The following PTGES3 variants were observed in gnomAD, a reference collection of about 807,000 sequenced individuals.
PTGES3 encodes Hsp90 co-chaperone.
PTGES3 carries 5 observed loss-of-function variants against 29.9 expected under a neutral mutation model. That is an observed-to-expected ratio of 0.17 (90% CI 0.09 to 0.35). The LOEUF (loss-of-function observed/expected upper bound fraction) is 0.35. PTGES3 is among the 10% of genes least tolerant of loss of function. PTGES3 has a pLI of 1.00. For synonymous variants in PTGES3, 49 were observed against 57.8 expected (o/e 0.85, Z 0.69); for missense variants, 128 against 190.0 (o/e 0.67, Z 1.92).
intron 1 of PTGES3, among the ~76,000 whole-genome samples, chr12:56,674,609 A>G (rs534023623): frequency 5.7e-4 from 86 of 151,542 alleles, no homozygotes; most frequent in Admixed American, 1.6e-3. Flanking sequence ...GGAGGATCAC[A>G]ATGTCAGGAG....
At chr12:56,674,998 C>T (rs1238157939) in intron 1 of PTGES3, among the ~76,000 whole-genome samples, 4 of 48,358 alleles carry the variant, frequency 8.3e-5, no homozygotes, top group Non-Finnish European at 1.5e-4. Context: ...GAGTGAAACT[C>T]GGTCTCAAAA....
intron 1 of PTGES3, chr12:56,687,617 C>G (rs978781054): frequency 3.6e-5 from 40 of 1,118,254 alleles, no homozygotes; most frequent in Non-Finnish European, 4.2e-5. Context: ...GCAACAGAAC[C>G]GGAGCGCCCA....
At position 56,688,213 on chromosome 12, in the gene PTGES3, A is replaced by G. The variant is rs1339985851; in HGVS notation, c.-214T>C. ...AGAGCGGCTCCTCCGGTCGGGGAGA[A>G]GAGGAAAGTGTAGGAAAAGGGGCGC... On this transcript the variant is annotated 5_prime_UTR_variant, in exon 1 of 8. Coordinates refer to ENST00000262033, the MANE Select transcript of PTGES3 (RefSeq NM_006601.7). The G allele has an allele frequency of 1.2e-6, 1 of 857,444 alleles. No homozygotes were observed. The highest frequency in any genetic ancestry group is 1.8e-5 in the African/African-American group (1 of 55,606). 53.1% of individuals were successfully genotyped at this position (857,444 alleles called of 1,614,324 possible).
Position 56,668,589 on chromosome 12 carries a change from C to T in PTGES3, c.375+1686G>A, listed in dbSNP as rs143498756. ...TGCACAGCTAGGTAAATGGTGGCAC[C>T]GATTTCTACAGGTAAGGAAAGTACA... On this transcript the variant is annotated intron_variant, in intron 5 of 7. Transcript: ENST00000262033. Among the ~76,000 whole-genome samples the T allele has an allele frequency of 3.3e-3, 509 of 152,136 alleles. 1 individual carries two copies. The highest frequency in any genetic ancestry group is 0.012 in the African/African-American group (481 of 41,522).
At chr12:56,681,996 G>A (rs374041742) in intron 1 of PTGES3, among the ~76,000 whole-genome samples, 4 of 151,984 alleles carry the variant, frequency 2.6e-5, no homozygotes, top group African/African-American at 4.8e-5. Context: ...ACAGGCACCC[G>A]CCACGGTGCC....
chr12:56,666,017 C>T, intron 6 of PTGES3, 187 bp downstream of exon 6: 1 of 1,356,284 alleles, frequency 7.4e-7, no homozygotes, highest in South Asian at 1.8e-5. Flanking sequence ...GTCTACGGTA[C>T]AACCAGTTCC....
intron 1 of PTGES3, among the ~76,000 whole-genome samples, chr12:56,675,306 G>C (rs1231214335): frequency 1.3e-5 from 2 of 149,286 alleles, no homozygotes; most frequent in East Asian, 2.0e-4. Context: ...TCTCAAAAAA[G>C]AAAAAGAAAA....
chr12:56,687,802 G>A (rs1248658045), intron 1 of PTGES3, 196 bp downstream of exon 1: 16 of 1,434,270 alleles, frequency 1.1e-5, no homozygotes, highest in Non-Finnish European at 1.5e-5. Flanking sequence ...TCAGGGGTGG[G>A]GGAAGCAGAC....
chr12:56,683,816 G>A (rs1400964113), intron 1 of PTGES3, among the ~76,000 whole-genome samples: 1 of 150,870 alleles, frequency 6.6e-6, no homozygotes, highest in Non-Finnish European at 1.5e-5. Context: ...AAAATTAGCC[G>A]GGCGAGGTGG....
chr12:56,674,675 A>G (rs1952143377), intron 1 of PTGES3, among the ~76,000 whole-genome samples: 1 of 151,422 alleles, frequency 6.6e-6, no homozygotes, highest in Non-Finnish European at 1.5e-5. Context: ...AAATACAAAA[A>G]ATTAGCCAGG....
At chr12:56,666,287 AG>A (rs1273027582) in intron 5 of PTGES3, 21 bp from the exon 6 acceptor site, 4 of 1,598,788 alleles carry the variant, frequency 2.5e-6, no homozygotes, top group Middle Eastern at 1.7e-4. Flanking sequence ...TGTAAAAATT[AG>A]TTTTAAAAAT....
chr12:56,673,484 G>GAAAAAAAAAAAA lies in PTGES3; in HGVS notation c.3-420_3-419insTTTTTTTTTTTT, dbSNP rs758207497. Among the ~76,000 whole-genome samples the GAAAAAAAAAAAA allele has an allele frequency of 8.1e-5, 3 of 36,824 alleles. 1 individual carries two copies. The Admixed American group carries it at 1.4e-3, about 17-fold the overall frequency. 24.2% of individuals were successfully genotyped at this position (36,824 alleles called of 152,430 possible). A position where few individuals can be genotyped will look rare whatever the true frequency, so the allele number is the denominator to read the frequency against. On this transcript the variant is annotated intron_variant, in intron 1 of 7. Transcript: ENST00000262033. ...CCGACTCTACTACAAATACAAATAC[G>GAAAAAAAAAAAA]GAAAAAAAAAAAAAAAAAAAAAAAA...
intron 5 of PTGES3, among the ~76,000 whole-genome samples, chr12:56,669,506 C>T (rs993299617): frequency 1.3e-5 from 2 of 152,232 alleles, no homozygotes; most frequent in South Asian, 4.1e-4. Context: ...TGGTCTTGAA[C>T]TCCTGACCTC....
At chr12:56,669,492 AG>A (rs2137604118) in intron 5 of PTGES3, among the ~76,000 whole-genome samples, 1 of 152,326 alleles carries the variant, frequency 6.6e-6, no homozygotes, top group East Asian at 1.9e-4. Context: ...CATGTTGGTC[AG>A]GCTGGTCTTG....
chr12:56,682,838 CA>C (rs1429598198), intron 1 of PTGES3, among the ~76,000 whole-genome samples: 9 of 150,308 alleles, frequency 6.0e-5, no homozygotes, highest in Non-Finnish European at 1.0e-4. Flanking sequence ...TACTAAAATA[CA>C]AAAAATTAGC....
chr12:56,688,256 G>A lies in PTGES3; in HGVS notation c.-257C>T. The A allele has an allele frequency of 1.7e-6, 1 of 572,012 alleles. No individual in the cohort carries two copies. Among genetic ancestry groups the A allele is most frequent in the Non-Finnish European group, 2.8e-6 (1 of 362,094 alleles). The allele number at this position is 572,012 out of a possible 1,614,324, so 35.4% of individuals were successfully genotyped here. ...AGGGGCGCGAGGACGGAGAATGAAC[G>A]TGCGTGCGTGCAAACGAGGGGTGGT... On this transcript the variant is annotated 5_prime_UTR_variant, in exon 1 of 8. In the 5' UTR this introduces an upstream ATG that the reference lacks. Transcript: ENST00000262033.
intron 6 of PTGES3, 185 bp from the exon 7 acceptor site, chr12:56,664,985 G>A (rs1951732691): frequency 3.0e-6 from 3 of 985,440 alleles, no homozygotes; most frequent in Non-Finnish European, 3.6e-6. Context: ...ATGTACAGCA[G>A]AGGATTTATC....
At chr12:56,664,579 A>G (rs993150096) in intron 7 of PTGES3, 81 bp from the exon 8 acceptor site, 3 of 1,475,870 alleles carry the variant, frequency 2.0e-6, no homozygotes, top group African/African-American at 1.4e-5. Context: ...AAAAGCAACC[A>G]AAAATCGAAA....
chr12:56,687,816 T>C (rs1952954367), intron 1 of PTGES3, 182 bp downstream of exon 1: 2 of 1,445,136 alleles, frequency 1.4e-6, no homozygotes, highest in Admixed American at 2.6e-5. Context: ...AGCAGACATC[T>C]GGAGGAAAAA....
Sources: allele counts gnomAD v4.1 joint callset (sites outside exome capture counted in the v4.1 genomes callset), GRCh38; gene constraint gnomAD v4.1.1; transcripts MANE v1.5; gene names NCBI Gene and HGNC (gene_info 2026-07-23, HGNC 2026-07-21).